The following PEX5L variants were observed in gnomAD, a reference collection of about 807,000 sequenced individuals.
PEX5L encodes PEX5-related protein.
A neutral mutation model predicts 84.0 loss-of-function variants in PEX5L; 30 were observed. That is an observed-to-expected ratio of 0.36 (90% CI 0.27 to 0.48). The LOEUF is 0.48. Among genes scored for constraint, PEX5L ranks in the 20% least tolerant of loss-of-function variants. PEX5L has a pLI of 0.99. For synonymous variants in PEX5L, 270 were observed against 283.1 expected, an observed-to-expected ratio of 0.95 and a Z score of 0.46; for missense variants, 533 against 754.6, an observed-to-expected ratio of 0.71 and a Z score of 3.44.
chr3:179,879,660 C>CT (rs920466770), intron 5 of PEX5L, among the ~76,000 whole-genome samples: 1 of 152,212 alleles, frequency 6.6e-6, no homozygotes, highest in African/African-American at 2.4e-5. Flanking sequence ...TTATTTGTAA[C>CT]TTTAGTGCCT....
intron 8 of PEX5L, among the ~76,000 whole-genome samples, chr3:179,844,702 C>T (rs1476704183): frequency 1.2e-4 from 18 of 152,096 alleles, no homozygotes; most frequent in Admixed American, 6.5e-5. Context: ...TGGTGGCAGG[C>T]GCCTGTAGTC....
intron 2 of PEX5L, among the ~76,000 whole-genome samples, chr3:179,959,060 GA>G (rs11367594): frequency 0.81 from 118,799 of 146,416 alleles, 48,668 homozygotes; most frequent in East Asian, 0.92. Flanking sequence ...AAACAAAACC[GA>G]AAAAAAAAAA....
chr3:180,005,071 T>C (rs1354181260), intron 1 of PEX5L, among the ~76,000 whole-genome samples: 1 of 152,242 alleles, frequency 6.6e-6, no homozygotes, highest in Non-Finnish European at 1.5e-5. Flanking sequence ...TGTTTAAGCA[T>C]AAGAGAGTAA....
intron 2 of PEX5L, among the ~76,000 whole-genome samples, chr3:179,901,646 G>A (rs1761380570): frequency 6.6e-6 from 1 of 152,088 alleles, no homozygotes; most frequent in Admixed American, 6.6e-5. Context: ...AACGTTGACT[G>A]GAAAAACAAT....
chr3:179,923,870 T>C (rs1246782227), intron 2 of PEX5L, among the ~76,000 whole-genome samples: 3 of 152,218 alleles, frequency 2.0e-5, no homozygotes, highest in African/African-American at 7.2e-5. Context: ...CTGAGTTTCA[T>C]CTATGCGACT....
At chr3:180,024,945 A>G (rs1394746609) in intron 1 of PEX5L, among the ~76,000 whole-genome samples, 2 of 152,190 alleles carry the variant, frequency 1.3e-5, no homozygotes, top group African/African-American at 4.8e-5. Flanking sequence ...CTAATTCCAC[A>G]TGATCTTGGC....
chr3:179,934,075 T>C (rs1419989495), intron 2 of PEX5L, among the ~76,000 whole-genome samples: 1 of 152,238 alleles, frequency 6.6e-6, no homozygotes, highest in Non-Finnish European at 1.5e-5. Context: ...TGGCGATTGA[T>C]GAGCAGAGCA....
chr3:179,955,502 A>G (rs1270627127), intron 2 of PEX5L, among the ~76,000 whole-genome samples: 1 of 149,714 alleles, frequency 6.7e-6, no homozygotes, highest in African/African-American at 2.5e-5. Flanking sequence ...TTTTTTTCAA[A>G]AAGAAGGCAC....
At chr3:179,819,151 A>ATATG (rs1382860382) in intron 9 of PEX5L, among the ~76,000 whole-genome samples, 1 of 151,794 alleles carries the variant, frequency 6.6e-6, no homozygotes, top group Non-Finnish European at 1.5e-5. Context: ...CTATTGTGAT[A>ATATG]TATGCTCTTT....
At chr3:179,944,922 A>G (rs1240543506) in intron 2 of PEX5L, among the ~76,000 whole-genome samples, 1 of 152,210 alleles carries the variant, frequency 6.6e-6, no homozygotes, top group Non-Finnish European at 1.5e-5. Flanking sequence ...GTCTCTTAAC[A>G]TCTCCCTCTG....
At chr3:179,925,556 A>G (rs1385954972) in intron 2 of PEX5L, among the ~76,000 whole-genome samples, 1 of 152,258 alleles carries the variant, frequency 6.6e-6, no homozygotes, top group Non-Finnish European at 1.5e-5. Flanking sequence ...ATATCTGCAT[A>G]ATAATATTCA....
intron 2 of PEX5L, chr3:179,902,741 C>A (rs1761831179): frequency 2.3e-6 from 1 of 443,948 alleles, no homozygotes; most frequent in African/African-American, 2.0e-5. Context: ...GGTGTAGTTG[C>A]AGATTCTATT....
At chr3:180,015,463 T>C (rs73883468) in intron 1 of PEX5L, among the ~76,000 whole-genome samples, 22,489 of 152,182 alleles carry the variant, frequency 0.15, 1,853 homozygotes, top group African/African-American at 0.23. Flanking sequence ...ATGTTTCCTA[T>C]TGAGGACTCC....
chr3:179,898,535 A>G (rs1432062839), intron 2 of PEX5L, among the ~76,000 whole-genome samples: 3 of 152,140 alleles, frequency 2.0e-5, no homozygotes, highest in African/African-American at 7.2e-5. Flanking sequence ...CATGACATGA[A>G]TTTTTTGTAA....
chr3:179,954,638 C>T (rs369990029), intron 2 of PEX5L, among the ~76,000 whole-genome samples: 15 of 152,052 alleles, frequency 9.9e-5, no homozygotes, highest in African/African-American at 2.9e-4. Flanking sequence ...AATGCAGTTT[C>T]GTTTTCTTGA....
chr3:180,036,458 G>C (rs1579442520), intron 1 of PEX5L, 121 bp downstream of exon 1: 1 of 946,012 alleles, frequency 1.1e-6, no homozygotes, highest in East Asian at 2.4e-5. Flanking sequence ...TCACGGTCAT[G>C]TTGCATCACT....
At chr3:179,907,175 T>C (rs1192138247) in intron 2 of PEX5L, among the ~76,000 whole-genome samples, 1 of 152,090 alleles carries the variant, frequency 6.6e-6, no homozygotes, top group Non-Finnish European at 1.5e-5. Flanking sequence ...ATTTCCCCAA[T>C]TTCTTGCCTC....
intron 1 of PEX5L, among the ~76,000 whole-genome samples, chr3:180,032,633 C>T (rs923050971): frequency 1.3e-5 from 2 of 152,160 alleles, no homozygotes; most frequent in Admixed American, 6.5e-5. Context: ...GCGCGTGGAT[C>T]GCTTCAACTC....
At chr3:179,904,447 T>A (rs1434028107) in intron 2 of PEX5L, among the ~76,000 whole-genome samples, 5 of 152,200 alleles carry the variant, frequency 3.3e-5, no homozygotes, top group African/African-American at 1.2e-4. Flanking sequence ...CTACGGTCTT[T>A]GATTCTAAGC....
Sources: gnomAD v4.1 joint callset for allele counts (sites outside exome capture counted in the v4.1 genomes callset) on GRCh38, gnomAD v4.1.1 for gene constraint, MANE v1.5 for transcripts, NCBI Gene and HGNC (gene_info 2026-07-23, HGNC 2026-07-21) for gene names.